Variants in CAAP1 observed in about 807,000 individuals in gnomAD.
CAAP1 encodes caspase activity and apoptosis inhibitor 1, also known as conserved anti-apoptotic protein.
In CAAP1, 20 loss-of-function variants were observed where a neutral mutation model predicts 34.0. That is an observed-to-expected ratio of 0.59 (90% confidence interval 0.41 to 0.86). The LOEUF is 0.86. Ranked by LOEUF, CAAP1 falls within the 40% of genes least tolerant of loss-of-function variation. The pLI, the probability that CAAP1 is intolerant of heterozygous loss-of-function variation, is 0.00. For synonymous variants in CAAP1, 213 were observed against 166.7 expected (o/e 1.28, Z -2.14); for missense variants, 538 against 450.5 (o/e 1.19, Z -1.76).
intron 4 of CAAP1, among the ~76,000 whole-genome samples, chr9:26,877,739 T>C (rs1051812374): frequency 1.3e-5 from 2 of 152,164 alleles, no homozygotes; most frequent in African/African-American, 4.8e-5. Context: ...ATTTTTTCCC[T>C]GCAATCCTGC....
intron 4 of CAAP1, among the ~76,000 whole-genome samples, chr9:26,861,606 T>C (rs1257691565): frequency 1.3e-5 from 2 of 152,196 alleles, no homozygotes; most frequent in East Asian, 3.8e-4. Context: ...TATACATATG[T>C]AATCAAAGTA....
chr9:26,862,996 A>C (rs1823039783), intron 4 of CAAP1, among the ~76,000 whole-genome samples: 1 of 152,160 alleles, frequency 6.6e-6, no homozygotes, highest in African/African-American at 2.4e-5. Context: ...ATCTTGATAA[A>C]GGGTATATGG....
chr9:26,876,630 G>A (rs1218461914), intron 4 of CAAP1, among the ~76,000 whole-genome samples: 1 of 151,998 alleles, frequency 6.6e-6, no homozygotes, highest in Non-Finnish European at 1.5e-5. Flanking sequence ...TACCACAATT[G>A]TCTACAGTAT....
chr9:26,854,960 C>A lies in CAAP1; in HGVS notation c.739+6106G>T, dbSNP rs563799643. ...GTCAGTGGGAATGCAAAATGGTACA[C>A]TTTGGAATACAATTAAGCAATTTCT... On this transcript the variant is annotated intron_variant, in intron 5 of 5. Coordinates refer to ENST00000333916, the MANE Select transcript of CAAP1 (RefSeq NM_024828.4). Among the ~76,000 whole-genome samples the A allele has an allele frequency of 3.3e-5, 5 of 152,306 alleles. No homozygotes were observed. The South Asian group carries it at 6.2e-4, about 19-fold the overall frequency.
Position 26,853,645 on chromosome 9 carries a change from G to A in CAAP1, c.739+7421C>T, listed in dbSNP as rs527796339. Among the ~76,000 whole-genome samples, 3 of 152,310 alleles carry A rather than the reference G, an allele frequency of 2.0e-5. 1 individual carries two copies. The South Asian group carries it at 6.2e-4, about 32-fold the overall frequency. On this transcript the variant is annotated intron_variant, in intron 5 of 5. Transcript: ENST00000333916. The stretch of plus-strand genomic sequence containing the variant: ...CAAGATGAGCACTGAGCAATGACGA[G>A]TGAAATGGCTGCTGGCAATAATTCA...
At chr9:26,872,131 T>G (rs1386686275) in intron 4 of CAAP1, among the ~76,000 whole-genome samples, 1 of 152,186 alleles carries the variant, frequency 6.6e-6, no homozygotes, top group African/African-American at 2.4e-5. Context: ...GTTACTGCTC[T>G]CAATAAGACA....
chr9:26,891,302 T>C (rs1235325417), intron 1 of CAAP1, among the ~76,000 whole-genome samples: 2 of 140,242 alleles, frequency 1.4e-5, no homozygotes, highest in African/African-American at 3.3e-5. Flanking sequence ...TAAAACAAAC[T>C]ATTAATTTGA....
chr9:26,884,023 C>A (rs1200818836), intron 4 of CAAP1, among the ~76,000 whole-genome samples: 1 of 152,170 alleles, frequency 6.6e-6, no homozygotes, highest in Non-Finnish European at 1.5e-5. Flanking sequence ...CCCCTGGTAA[C>A]CTCTTCTTAC....
chr9:26,875,830 TCTC>T (rs1413067340), intron 4 of CAAP1, among the ~76,000 whole-genome samples: 1 of 152,078 alleles, frequency 6.6e-6, no homozygotes, highest in South Asian at 2.1e-4. Flanking sequence ...TGTGGTGTGA[TCTC>T]CTTTGGAATG....
intron 1 of CAAP1, among the ~76,000 whole-genome samples, chr9:26,891,459 A>G (rs553505924): frequency 7.9e-5 from 12 of 152,324 alleles, no homozygotes; most frequent in South Asian, 6.2e-4. Context: ...GGTGGCATTC[A>G]TAAGTTTTTA....
Position 26,887,301 on chromosome 9 carries a change from GTAATGAAGTACCTT to G in CAAP1, c.502_504+11del. On this transcript the variant is annotated splice_donor_variant and splice_donor_5th_base_variant and coding_sequence_variant and intron_variant, in exon 2 of 6. Transcript: ENST00000333916. LOFTEE classifies it high-confidence loss of function. ...TCTACATATGTATCTAGTCTGATGT[GTAATGAAGTACCTT>G]TAACACATCAGGAAGCATCTTCTGT... 6.5e-7 allele frequency: 1 copy of G among 1,530,320 alleles called. No individual in the cohort carries two copies. The highest frequency in any genetic ancestry group is 2.3e-5 in the East Asian group (1 of 44,156). 94.8% of individuals were successfully genotyped at this position (1,530,320 alleles called of 1,614,324 possible).
chr9:26,869,563 C>T (rs1011849872), intron 4 of CAAP1, among the ~76,000 whole-genome samples: 6 of 152,162 alleles, frequency 3.9e-5, no homozygotes, highest in Non-Finnish European at 2.9e-5. Context: ...TATTCTGTTT[C>T]CCTACAGCTA....
At position 26,887,401 on chromosome 9, in the gene CAAP1, T is replaced by C. The variant is rs746356295; in HGVS notation, c.416A>G (p.Tyr139Cys). The C allele has an allele frequency of 3.1e-6, 5 of 1,613,148 alleles. No homozygotes were observed. The highest frequency in any genetic ancestry group is 3.3e-4 in the Middle Eastern group (2 of 6,062). Residue 139 changes from tyrosine (Y) to cysteine (C), a missense_variant, in exon 2 of 6, where the codon TAT becomes TGT. Tyr to Cys is a radical substitution (Grantham distance 194). Transcript: ENST00000333916. ...LTVSLKPVSF[Y>C]ISDKKEMLQQ... The stretch of plus-strand genomic sequence containing the variant: ...AAGCATTTCTTTTTTGTCTGATATA[T>C]AGAAACTAACTGGTTTCAATGACAC...
rs188847099 is a variant in CAAP1, at chr9:26,885,212, G to A, written c.590-327C>T. On this transcript the variant is annotated intron_variant, in intron 3 of 5. Transcript: ENST00000333916. ...CTGCCTCAGCCTCCCGAGCAGCTGG[G>A]ACTACAGGCGCCCGCCACCACGCCC... Among the ~76,000 whole-genome samples, 421 of 151,862 alleles carry A rather than the reference G, an allele frequency of 2.8e-3. 1 individual carries two copies. The highest frequency in any genetic ancestry group is 9.6e-3 in the African/African-American group (397 of 41,424).
At chr9:26,858,205 G>A (rs1587098010) in intron 5 of CAAP1, among the ~76,000 whole-genome samples, 1 of 152,288 alleles carries the variant, frequency 6.6e-6, no homozygotes, top group Middle Eastern at 3.4e-3. Flanking sequence ...AACAAAAATA[G>A]CTAGTTATGC....
chr9:26,845,109 TTTTA>T (rs1822568348), intron 5 of CAAP1, among the ~76,000 whole-genome samples: 1 of 152,204 alleles, frequency 6.6e-6, no homozygotes, highest in Non-Finnish European at 1.5e-5. Flanking sequence ...TCTTATCCTG[TTTTA>T]TTTTTCTTCA....
chr9:26,892,246 G>A (rs764952293), intron 1 of CAAP1, 167 bp downstream of exon 1: 30 of 1,498,980 alleles, frequency 2.0e-5, no homozygotes, highest in Non-Finnish European at 2.7e-5. Flanking sequence ...ACGGATGGGA[G>A]TGTGGGGCTC....
chr9:26,872,551 A>ATTT (rs1288753034), intron 4 of CAAP1, among the ~76,000 whole-genome samples: 1 of 141,330 alleles, frequency 7.1e-6, no homozygotes, highest in African/African-American at 2.9e-5. Context: ...AGATATACAT[A>ATTT]TAATATATAT....
intron 5 of CAAP1, among the ~76,000 whole-genome samples, chr9:26,847,198 ATTTTTTTTTTTTTTT>A (rs1171628621): frequency 1.4e-3 from 49 of 34,750 alleles, no homozygotes; most frequent in Non-Finnish European, 1.7e-3. Flanking sequence ...AAAAAGCAAT[ATTTTTTTTTTTTTTT>A]TTTTTTTTTT....
Sources: allele counts gnomAD v4.1 joint callset (sites outside exome capture counted in the v4.1 genomes callset), GRCh38; gene constraint gnomAD v4.1.1; transcripts MANE v1.5; gene names NCBI Gene and HGNC (gene_info 2026-07-23, HGNC 2026-07-21).